FAM20C: variants seen among roughly 807,000 people sequenced by gnomAD.
The protein encoded by FAM20C is extracellular serine/threonine protein kinase FAM20C.
FAM20C carries 40 observed loss-of-function variants against 51.5 expected under a neutral mutation model. The observed-to-expected ratio is 0.78, with a 90% CI of 0.60 to 1.01. The LOEUF (loss-of-function observed/expected upper bound fraction) is 1.01. FAM20C is among the 50% of genes least tolerant of loss of function. The probability of loss-of-function intolerance (pLI) is 0.00; values close to 1 mark genes in which losing one functional copy is unlikely to be tolerated. For synonymous variants in FAM20C, 406 were observed against 380.6 expected (o/e 1.07, Z -0.78); for missense variants, 861 against 844.7 (o/e 1.02, Z -0.24).
intron 3 of FAM20C, 127 bp from the exon 4 acceptor site, chr7:246,288 G>A (rs1038405242): frequency 2.6e-6 from 2 of 755,038 alleles, no homozygotes; most frequent in African/African-American, 3.6e-5. Flanking sequence ...AAGGCTCAGG[G>A]TGGCCCTGAG....
At chr7:202,402 C>G (rs1177112819) in intron 2 of FAM20C, among the ~76,000 whole-genome samples, 1 of 143,770 alleles carries the variant, frequency 7.0e-6, no homozygotes, top group African/African-American at 2.6e-5. Context: ...TTCCTGTGTG[C>G]ATAGAGAGGA....
intron 8 of FAM20C, among the ~76,000 whole-genome samples, chr7:258,433 G>A (rs368625162): frequency 3.4e-4 from 31 of 92,476 alleles, no homozygotes; most frequent in African/African-American, 1.0e-3. Flanking sequence ...CCACTGCCTG[G>A]GGTGCTGGAG....
chr7:258,527 G>A lies in FAM20C; in HGVS notation c.1446-119G>A, dbSNP rs528963327. ...CCGGGGTGCTGGAGATGGGCTGGGTGGACCCACTGCCTGGGGTGTCGGGTA... is the reference window on the plus strand; with the variant it reads ...CCGGGGTGCTGGAGATGGGCTGGGTAGACCCACTGCCTGGGGTGTCGGGTA... On this transcript the variant is annotated intron_variant, in intron 8 of 9. Coordinates refer to ENST00000313766, the MANE Select transcript of FAM20C (RefSeq NM_020223.4). 3.1e-4 allele frequency: 301 copies of A among 985,040 alleles called. 1 individual carries two copies. In the African/African-American group the frequency reaches 4.2e-3, roughly 14 times the overall value. The allele number at this position is 985,040 out of a possible 1,614,324, so 61.0% of individuals were successfully genotyped here. A position where few individuals can be genotyped will look rare whatever the true frequency, so the allele number is the denominator to read the frequency against.
intron 3 of FAM20C, among the ~76,000 whole-genome samples, chr7:209,703 C>T (rs992158065): frequency 5.3e-5 from 8 of 152,220 alleles, no homozygotes; most frequent in Non-Finnish European, 1.2e-4. Flanking sequence ...AGCGGCCTGT[C>T]AGCTCACTAG....
intron 8 of FAM20C, chr7:257,353 C>G (rs564250145): frequency 2.2e-5 from 11 of 502,454 alleles, no homozygotes; most frequent in South Asian, 2.1e-4. Context: ...GAAACGGAGG[C>G]CAGGAGAGGC....
At position 192,811 on chromosome 7, in the gene FAM20C, C is replaced by T. The variant is rs1245996610; in HGVS notation, c.-389C>T. On this transcript the variant is annotated 5_prime_UTR_variant, in exon 1 of 10. Transcript: ENST00000313766. ...TCGGGACGCCTGCGGCCGCCGCCAC[C>T]GCCCAGGCCCGTCGCGCCCCGGCCG... 1.4e-5 allele frequency among the ~76,000 whole-genome samples: 2 copies of T among 148,058 alleles called. No homozygotes were observed.
At position 217,276 on chromosome 7, in the gene FAM20C, G is replaced by GGGTGTTATT. The variant is rs112495483; in HGVS notation, c.863+8303_863+8311dup. Among the ~76,000 whole-genome samples, 29 of 139,956 alleles carry GGGTGTTATT rather than the reference G, an allele frequency of 2.1e-4. 1 individual carries two copies. The highest frequency in any genetic ancestry group is 7.6e-4 in the African/African-American group (28 of 36,968). 91.8% of individuals were successfully genotyped at this position (139,956 alleles called of 152,430 possible). The stretch of plus-strand genomic sequence containing the variant: ...CTTCTGCGGGACCTGTGTGCAGTGG[G>GGGTGTTATT]GGTGTTATTGGGGTCGAGGCTTGCC... On this transcript the variant is annotated intron_variant, in intron 3 of 9. Coordinates refer to ENST00000313766, the MANE Select transcript of FAM20C (RefSeq NM_020223.4).
At chr7:208,118 C>G (rs1443362264) in intron 2 of FAM20C, among the ~76,000 whole-genome samples, 1 of 152,082 alleles carries the variant, frequency 6.6e-6, no homozygotes, top group African/African-American at 2.4e-5. Context: ...TGCCACTCCC[C>G]GTTCTTAGGC....
At chr7:217,443 CAT>C (rs1787053892) in intron 3 of FAM20C, among the ~76,000 whole-genome samples, 1 of 5,078 alleles carries the variant, frequency 2.0e-4, no homozygotes, top group African/African-American at 7.8e-4. Flanking sequence ...GCTGTTTGTG[CAT>C]CAAGGGGGTA....
At chr7:219,562 C>T (rs1787158001) in intron 3 of FAM20C, among the ~76,000 whole-genome samples, 1 of 151,942 alleles carries the variant, frequency 6.6e-6, no homozygotes, top group South Asian at 2.1e-4. Context: ...TCGGCTGTGG[C>T]TGTGCAGACC....
chr7:236,833 T>C (rs996925824), intron 3 of FAM20C, among the ~76,000 whole-genome samples: 1 of 151,326 alleles, frequency 6.6e-6, no homozygotes, highest in African/African-American at 2.4e-5. Context: ...CGGGGTTTCA[T>C]GCGGAGGTGA....
intron 2 of FAM20C, among the ~76,000 whole-genome samples, chr7:203,800 A>G (rs537358243): frequency 3.7e-4 from 56 of 152,332 alleles, no homozygotes; most frequent in African/African-American, 1.3e-3. Flanking sequence ...GATTTGGATA[A>G]TATGTTGTTA....
At position 235,868 on chromosome 7, in the gene FAM20C, A is replaced by C. The variant is rs909008342; in HGVS notation, c.864-10547A>C. On this transcript the variant is annotated intron_variant, in intron 3 of 9. Transcript: ENST00000313766. Reference sequence around the variant, plus strand: ...AGGGCTCCCAGCATGCTTTGGACTGACCATTCCTGTTCCAGGAAACATTTG... The same window carrying C: ...AGGGCTCCCAGCATGCTTTGGACTGCCCATTCCTGTTCCAGGAAACATTTG... 3.4e-3 allele frequency among the ~76,000 whole-genome samples: 516 copies of C among 152,246 alleles called. 1 individual carries two copies. The highest frequency in any genetic ancestry group is 0.012 in the African/African-American group (485 of 41,536).
At chr7:232,512 T>C (rs1787732851) in intron 3 of FAM20C, among the ~76,000 whole-genome samples, 1 of 152,230 alleles carries the variant, frequency 6.6e-6, no homozygotes. Context: ...TCAAACAGCT[T>C]AGCACAGCGC....
At position 252,339 on chromosome 7, in the gene FAM20C, C is replaced by T. The variant is rs150182859; in HGVS notation, c.1073-3510C>T. 9.0e-3 allele frequency among the ~76,000 whole-genome samples: 1,292 copies of T among 143,902 alleles called. 11 individuals are homozygous for T. The highest frequency in any genetic ancestry group is 0.031 in the African/African-American group (1,202 of 38,524). The allele number at this position is 143,902 out of a possible 152,430, so 94.4% of individuals were successfully genotyped here. ...ATGCCAGGTCATCTCGGAGGCCCTG[C>T]CAGAGCCGAGGGCACATCAGAGGGC... On this transcript the variant is annotated intron_variant, in intron 5 of 9. Coordinates refer to ENST00000313766, the MANE Select transcript of FAM20C (RefSeq NM_020223.4).
chr7:229,071 G>A, intron 3 of FAM20C: 1 of 351,402 alleles, frequency 2.8e-6, no homozygotes, highest in South Asian at 2.1e-5. Flanking sequence ...AGCCCCACGG[G>A]GGCCACTCTA....
chr7:213,120 TA>T (rs1317721846), intron 3 of FAM20C, among the ~76,000 whole-genome samples: 48 of 66,402 alleles, frequency 7.2e-4, no homozygotes, highest in Middle Eastern at 7.5e-3. Flanking sequence ...CTGCAGTGTG[TA>T]GTCCTTTGTG....
chr7:222,523 C>T (rs1787272006), intron 3 of FAM20C, among the ~76,000 whole-genome samples: 2 of 152,176 alleles, frequency 1.3e-5, no homozygotes, highest in African/African-American at 4.8e-5. Flanking sequence ...GGGGAGTGCA[C>T]AGGTGTCCAC....
At chr7:206,865 G>T (rs62430283) in intron 2 of FAM20C, among the ~76,000 whole-genome samples, 78 of 16,462 alleles carry the variant, frequency 4.7e-3, no homozygotes, top group Admixed American at 0.011. Flanking sequence ...CGTCGGTCAC[G>T]GTCCCCTCGG....
Sources: allele counts gnomAD v4.1 joint callset (sites outside exome capture counted in the v4.1 genomes callset), GRCh38; gene constraint gnomAD v4.1.1; transcripts MANE v1.5; gene names NCBI Gene and HGNC (gene_info 2026-07-23, HGNC 2026-07-21).